Variants in OSBPL10 observed in about 807,000 individuals in gnomAD.
OSBPL10 encodes oxysterol-binding protein-related protein 10.
In OSBPL10, 49 loss-of-function variants were observed where a neutral mutation model predicts 81.7. The ratio of observed to expected loss-of-function variants is 0.60; its 90% CI spans 0.48 to 0.76. The LOEUF is 0.76. Ranked by LOEUF, OSBPL10 falls within the 30% of genes least tolerant of loss-of-function variation. The probability of loss-of-function intolerance (pLI) is 0.00; values close to 1 mark genes in which losing one functional copy is unlikely to be tolerated. For missense variants in OSBPL10, 923 were observed against 987.8 expected (o/e 0.93, Z 0.88); for synonymous variants, 419 against 383.6 (o/e 1.09, Z -1.08).
chr3:31,962,641 T>G (rs1698201896), intron 1 of OSBPL10, among the ~76,000 whole-genome samples: 1 of 152,160 alleles, frequency 6.6e-6, no homozygotes, highest in South Asian at 2.1e-4. Flanking sequence ...AATGTACAGT[T>G]AGGGTTTCAA....
chr3:31,978,041 G>A (rs1225568415), intron 1 of OSBPL10, among the ~76,000 whole-genome samples: 1 of 152,138 alleles, frequency 6.6e-6, no homozygotes, highest in Admixed American at 6.5e-5. Context: ...TACAAATAAA[G>A]GCAGAATATG....
At chr3:31,802,128 G>A (rs1465747156) in intron 4 of OSBPL10, among the ~76,000 whole-genome samples, 6 of 149,726 alleles carry the variant, frequency 4.0e-5, no homozygotes, top group Admixed American at 2.0e-4. Flanking sequence ...CAGTCCGCCC[G>A]CCTCGGCCTC....
intron 1 of OSBPL10, among the ~76,000 whole-genome samples, chr3:31,913,237 T>G (rs1696643438): frequency 6.9e-6 from 1 of 144,480 alleles, no homozygotes; most frequent in African/African-American, 2.5e-5. Context: ...GGTTTTTTTT[T>G]TTATTTTGTT....
At chr3:31,766,476 G>C (rs1458428225) in intron 4 of OSBPL10, among the ~76,000 whole-genome samples, 2 of 151,718 alleles carry the variant, frequency 1.3e-5, no homozygotes, top group Non-Finnish European at 2.9e-5. Flanking sequence ...CCAAGTAGCT[G>C]GGAGTATAGG....
At chr3:31,811,388 C>T (rs1476747833) in intron 4 of OSBPL10, among the ~76,000 whole-genome samples, 1 of 152,188 alleles carries the variant, frequency 6.6e-6, no homozygotes, top group Non-Finnish European at 1.5e-5. Flanking sequence ...CCGACTGTGC[C>T]CCATGTGCGG....
intron 4 of OSBPL10, among the ~76,000 whole-genome samples, chr3:31,824,059 A>G (rs147079387): frequency 3.3e-5 from 5 of 152,216 alleles, no homozygotes; most frequent in African/African-American, 1.2e-4. Flanking sequence ...CATTAAGACA[A>G]TGATTGCCCA....
chr3:32,047,345 G>A lies in OSBPL10; in HGVS notation n.186-742C>T, dbSNP rs372773469. Among the ~76,000 whole-genome samples, 11 of 152,280 alleles carry A rather than the reference G, an allele frequency of 7.2e-5. 1 individual carries two copies. On this transcript the variant is annotated intron_variant and non_coding_transcript_variant, in intron 1 of 3. Coordinates refer to the OSBPL10 transcript ENST00000479173. ...TACTCCGTAGACAGAGTAGCACCGA[G>A]GGATGCTGGTTGGCTATTTTTATGG... is the stretch of plus-strand genomic sequence containing the variant.
At chr3:31,926,289 G>GCTCCCCCCCC (rs1553641093) in intron 1 of OSBPL10, among the ~76,000 whole-genome samples, 2 of 130,114 alleles carry the variant, frequency 1.5e-5, no homozygotes, top group African/African-American at 3.1e-5. Flanking sequence ...GGGTGATTTT[G>GCTCCCCCCCC]CCCCCCCAGA....
intron 1 of OSBPL10, among the ~76,000 whole-genome samples, chr3:31,930,907 G>C (rs371695735): frequency 1.7e-4 from 25 of 150,800 alleles, no homozygotes; most frequent in South Asian, 4.2e-4. Flanking sequence ...CCAGCTACTC[G>C]GGAGGCTGAG....
intron 4 of OSBPL10, among the ~76,000 whole-genome samples, chr3:31,778,900 G>A (rs1054252420): frequency 6.6e-6 from 1 of 152,140 alleles, no homozygotes; most frequent in African/African-American, 2.4e-5. Flanking sequence ...AGAAGGGACT[G>A]GGATCCTATC....
At chr3:31,873,651 A>G (rs1701384981) in intron 3 of OSBPL10, among the ~76,000 whole-genome samples, 1 of 152,218 alleles carries the variant, frequency 6.6e-6, no homozygotes, top group Non-Finnish European at 1.5e-5. Flanking sequence ...CTGTAGGGAA[A>G]GTATTCTCTA....
chr3:31,755,662 T>C (rs1416356267), intron 4 of OSBPL10, among the ~76,000 whole-genome samples: 1 of 152,162 alleles, frequency 6.6e-6, no homozygotes, highest in Non-Finnish European at 1.5e-5. Flanking sequence ...TCATGTGAGA[T>C]GAGAGGGATG....
At chr3:31,708,716 G>C in intron 6 of OSBPL10, 4 of 984,760 alleles carry the variant, frequency 4.1e-6, no homozygotes, top group Middle Eastern at 5.2e-4. Flanking sequence ...TGAACCTACT[G>C]TCCTTCCCAC....
chr3:31,942,592 T>C (rs1697571230), intron 1 of OSBPL10, among the ~76,000 whole-genome samples: 1 of 148,904 alleles, frequency 6.7e-6, no homozygotes, highest in African/African-American at 2.5e-5. Context: ...TTTTAAATCC[T>C]CCCAGATGCC....
intron 5 of OSBPL10, 51 bp from the exon 6 acceptor site, chr3:31,733,462 A>G: frequency 6.2e-7 from 1 of 1,608,046 alleles, no homozygotes; most frequent in Non-Finnish European, 8.5e-7. Flanking sequence ...TTAAACATTT[A>G]TAGCTCATGA....
intron 1 of OSBPL10, among the ~76,000 whole-genome samples, chr3:31,883,528 G>GT (rs758735127): frequency 0.024 from 3,093 of 129,458 alleles, 29 homozygotes; most frequent in Non-Finnish European, 0.033. Context: ...GCATGAGCCT[G>GT]TTTTTTTTTT....
chr3:31,945,986 CTTTTT>C (rs533808824), intron 1 of OSBPL10, among the ~76,000 whole-genome samples: 2 of 109,094 alleles, frequency 1.8e-5, no homozygotes, highest in South Asian at 6.9e-4. Flanking sequence ...TTGGTTTATG[CTTTTT>C]TTTTTCTGAG....
chr3:31,750,011 T>TAAAAACA, intron 4 of OSBPL10, among the ~76,000 whole-genome samples: 1 of 150,768 alleles, frequency 6.6e-6, no homozygotes, highest in East Asian at 2.0e-4. Context: ...TGAAACCCCA[T>TAAAAACA]CTCTACTAAA....
chr3:31,662,873 G>C (rs1700100482), intron 11 of OSBPL10: 1 of 985,402 alleles, frequency 1.0e-6, no homozygotes. Flanking sequence ...CTCACAGAAG[G>C]ATCTTTCAAG....
Sources: gnomAD v4.1 joint callset for allele counts (sites outside exome capture counted in the v4.1 genomes callset) on GRCh38, gnomAD v4.1.1 for gene constraint, MANE v1.5 for transcripts, NCBI Gene and HGNC (gene_info 2026-07-23, HGNC 2026-07-21) for gene names.